Variants in ATP6V1C2 observed in about 807,000 individuals in gnomAD.
ATP6V1C2 encodes the protein V-type proton ATPase subunit C 2.
In ATP6V1C2, 45 loss-of-function variants were observed where a neutral mutation model predicts 56.8. The observed-to-expected ratio is 0.79, with a 90% CI of 0.62 to 1.02. ATP6V1C2 has a LOEUF of 1.02. ATP6V1C2 is among the 50% of genes least tolerant of loss of function. The pLI, the probability that ATP6V1C2 is intolerant of heterozygous loss-of-function variation, is 0.00. For missense variants in ATP6V1C2, 463 were observed against 519.7 expected, an observed-to-expected ratio of 0.89 and a Z score of 1.06; for synonymous variants, 220 against 201.3, an observed-to-expected ratio of 1.09 and a Z score of -0.79.
At chr2:10,727,101 A>C in intron 3 of ATP6V1C2, among the ~76,000 whole-genome samples, 1 of 131,222 alleles carries the variant, frequency 7.6e-6, no homozygotes, top group East Asian at 2.2e-4. Flanking sequence ...ACAGAGTCTC[A>C]CTCTGTTGCC....
chr2:10,778,507 C>A, intron 11 of ATP6V1C2, 65 bp from the exon 12 acceptor site: 1 of 1,498,504 alleles, frequency 6.7e-7, no homozygotes, highest in Non-Finnish European at 9.3e-7. Flanking sequence ...AAACCCAAGT[C>A]CTTTCTTGGC....
At chr2:10,728,018 A>T (rs1171886522) in intron 3 of ATP6V1C2, among the ~76,000 whole-genome samples, 1 of 152,172 alleles carries the variant, frequency 6.6e-6, no homozygotes, top group Admixed American at 6.5e-5. Flanking sequence ...CCTTCCAGAG[A>T]TAGCCAATAC....
intron 11 of ATP6V1C2, 94 bp from the exon 12 acceptor site, chr2:10,778,478 C>A: frequency 8.6e-7 from 1 of 1,168,140 alleles, no homozygotes; most frequent in Non-Finnish European, 1.3e-6. Context: ...TTCTTCTCAG[C>A]TCAGGGCGTG....
chr2:10,750,184 C>T (rs1354549859), intron 3 of ATP6V1C2, among the ~76,000 whole-genome samples: 2 of 152,174 alleles, frequency 1.3e-5, no homozygotes, highest in East Asian at 1.9e-4. Context: ...TTTCTGGTGT[C>T]ATGTATATGC....
rs1210225036 is a variant in ATP6V1C2 at position 10,754,011 on chromosome 2, G to C, written c.228G>C (p.Val76=). 3 of 1,608,276 alleles carry C rather than the reference G, an allele frequency of 1.9e-6. No individual in the cohort carries two copies. The highest frequency in any genetic ancestry group is 2.2e-5 in the South Asian group (2 of 89,914). Residue 76 remains valine, a synonymous_variant, in exon 4 of 14, where the codon GTG becomes GTC. Transcript: ENST00000272238. ...TAAGGAGAATGGCTCAGAGCGTGGT[G>C]GAAGTCATGGAGGACTCAAAGGGGA... is the stretch of plus-strand genomic sequence containing the variant. ...SLIRRMAQSV[V]EVMEDSKGKV...
Position 10,764,949 on chromosome 2 carries a change from C to G in ATP6V1C2, c.378+524C>G, listed in dbSNP as rs935798083. Among the ~76,000 whole-genome samples the G allele has an allele frequency of 1.8e-4, 27 of 150,174 alleles. 1 individual carries two copies. The highest frequency in any genetic ancestry group is 1.7e-3 in the Admixed American group (26 of 14,972). ...TCATGCCACTGCTCTCCAGCTTGGG[C>G]AACAGAATGAGGTTCCGTCCCCCCA... On this transcript the variant is annotated intron_variant, in intron 5 of 13. Transcript: ENST00000272238.
intron 4 of ATP6V1C2, among the ~76,000 whole-genome samples, chr2:10,757,118 G>A (rs1663605769): frequency 7.0e-6 from 1 of 142,974 alleles, no homozygotes; most frequent in Non-Finnish European, 1.5e-5. Context: ...GTTCAAGCAA[G>A]TCTCCTGCCT....
intron 4 of ATP6V1C2, among the ~76,000 whole-genome samples, chr2:10,754,382 C>T (rs960937096): frequency 4.0e-5 from 6 of 151,784 alleles, no homozygotes; most frequent in African/African-American, 1.2e-4. Flanking sequence ...CCCACCGCCA[C>T]GCCTGGCTAA....
At chr2:10,776,266 C>CGTGT (rs60750436) in intron 10 of ATP6V1C2, among the ~76,000 whole-genome samples, 57 of 151,134 alleles carry the variant, frequency 3.8e-4, no homozygotes, top group African/African-American at 7.3e-4. Context: ...CGCTCACACA[C>CGTGT]GTGTGTGTGT....
At chr2:10,768,671 C>CT (rs1307514856) in intron 5 of ATP6V1C2, 48 bp from the exon 6 acceptor site, 6 of 1,527,380 alleles carry the variant, frequency 3.9e-6, no homozygotes, top group Non-Finnish European at 4.5e-6. Context: ...GTTCAGCCAA[C>CT]TCCTTCAATG....
At chr2:10,745,146 C>A (rs544192333) in intron 3 of ATP6V1C2, among the ~76,000 whole-genome samples, 6 of 141,246 alleles carry the variant, frequency 4.2e-5, no homozygotes, top group Non-Finnish European at 7.6e-5. Flanking sequence ...CGGGTTCAAG[C>A]AATTCTCCTG....
chr2:10,772,711 C>A, intron 8 of ATP6V1C2, 101 bp downstream of exon 8: 1 of 1,004,914 alleles, frequency 1.0e-6, no homozygotes. Flanking sequence ...TGAGGCTCCC[C>A]AGCTTTCCAC....
At chr2:10,764,977 A>G (rs1250373542) in intron 5 of ATP6V1C2, among the ~76,000 whole-genome samples, 4 of 52,232 alleles carry the variant, frequency 7.7e-5, no homozygotes, top group Non-Finnish European at 1.6e-4. Context: ...TCCCCCCACC[A>G]AAAAAAAAAA....
Position 10,742,368 on chromosome 2 carries a change from G to A in ATP6V1C2, c.198-11613G>A, listed in dbSNP as rs374185154. Reference sequence around the variant, plus strand: ...ACTACTCCTCAGCGGGAGAGCTGGAGGTGGGAGACCCAACCCTTCCTTCTA... The same window carrying A: ...ACTACTCCTCAGCGGGAGAGCTGGAAGTGGGAGACCCAACCCTTCCTTCTA... On this transcript the variant is annotated intron_variant, in intron 3 of 13. Coordinates refer to ENST00000272238, the MANE Select transcript of ATP6V1C2 (RefSeq NM_001039362.2). Among the ~76,000 whole-genome samples, 15 of 152,332 alleles carry A rather than the reference G, an allele frequency of 9.8e-5. 1 individual carries two copies. Among genetic ancestry groups the A allele is most frequent in the Middle Eastern group, 3.4e-3 (1 of 294 alleles).
At position 10,780,725 on chromosome 2, in the gene ATP6V1C2, G is replaced by A. The variant is rs1572628745; in HGVS notation, c.1062-1518G>A. 6.6e-6 allele frequency among the ~76,000 whole-genome samples: 1 copy of A among 151,646 alleles called. No homozygotes were observed. The highest frequency in any genetic ancestry group is 1.5e-5 in the Non-Finnish European group (1 of 67,962). On this transcript the variant is annotated intron_variant, in intron 12 of 13. Coordinates refer to ENST00000272238, the MANE Select transcript of ATP6V1C2 (RefSeq NM_001039362.2). The surrounding 1 kb of genome is among the most constrained non-coding windows in gnomAD (Gnocchi z 4.1). Reference sequence around the variant, plus strand: ...TCTGCCCAAGAAAGAGGTTGAGACCGATGGGCCAGCCGCTCCTGGGGTCCT... The same window carrying A: ...TCTGCCCAAGAAAGAGGTTGAGACCAATGGGCCAGCCGCTCCTGGGGTCCT...
chr2:10,772,428 C>A, intron 7 of ATP6V1C2, 114 bp from the exon 8 acceptor site: 2 of 889,170 alleles, frequency 2.2e-6, no homozygotes, highest in Non-Finnish European at 3.8e-6. Flanking sequence ...CCTCTGACCC[C>A]ATCCCTGCTC....
chr2:10,767,459 T>G (rs1412565161), intron 5 of ATP6V1C2, among the ~76,000 whole-genome samples: 2 of 151,660 alleles, frequency 1.3e-5, no homozygotes, highest in Non-Finnish European at 2.9e-5. Flanking sequence ...CTGGCCCATT[T>G]TATTATATAT....
intron 10 of ATP6V1C2, among the ~76,000 whole-genome samples, chr2:10,775,832 A>C (rs75734548): frequency 0.08 from 12,218 of 152,150 alleles, 623 homozygotes; most frequent in South Asian, 0.14. Flanking sequence ...CTTCTTCCTC[A>C]TGCCCACCAG....
intron 8 of ATP6V1C2, among the ~76,000 whole-genome samples, chr2:10,774,555 C>T (rs570883985): frequency 6.6e-6 from 1 of 152,344 alleles, no homozygotes; most frequent in East Asian, 1.9e-4. Flanking sequence ...CAGGCCCCTA[C>T]ACTCCCTGCA....
Sources: allele counts gnomAD v4.1 joint callset (sites outside exome capture counted in the v4.1 genomes callset), GRCh38; gene constraint gnomAD v4.1.1; non-coding constraint Gnocchi (gnomAD v3.1); transcripts MANE v1.5; gene names NCBI Gene and HGNC (gene_info 2026-07-23, HGNC 2026-07-21).